The following XRCC4 variants were observed in gnomAD, a reference collection of about 807,000 sequenced individuals.
XRCC4 encodes the protein X-ray repair cross complementing 4.
A neutral mutation model predicts 39.1 loss-of-function variants in XRCC4; 28 were observed. The observed-to-expected ratio is 0.72, with a 90% confidence interval of 0.53 to 0.98. The LOEUF is 0.98. Ranked by LOEUF, XRCC4 falls within the 50% of genes least tolerant of loss-of-function variation. The pLI, the probability that XRCC4 is intolerant of heterozygous loss-of-function variation, is 0.00. For synonymous variants in XRCC4, 123 were observed against 126.4 expected (o/e 0.97, Z 0.18); for missense variants, 350 against 376.4 (o/e 0.93, Z 0.58).
intron 3 of XRCC4, among the ~76,000 whole-genome samples, chr5:83,125,862 A>T (rs1747234700): frequency 1.3e-5 from 2 of 152,082 alleles, no homozygotes; most frequent in African/African-American, 2.4e-5. Flanking sequence ...GCATTCCTGT[A>T]ATCCGAGCTA....
At chr5:83,234,060 C>A (rs1190752884) in intron 6 of XRCC4, among the ~76,000 whole-genome samples, 2 of 152,110 alleles carry the variant, frequency 1.3e-5, no homozygotes, top group Non-Finnish European at 2.9e-5. Flanking sequence ...ATCTCTAAAT[C>A]TCACTTTTTT....
At chr5:83,243,944 G>C (rs191356541) in intron 6 of XRCC4, among the ~76,000 whole-genome samples, 1 of 152,294 alleles carries the variant, frequency 6.6e-6, no homozygotes, top group African/African-American at 2.4e-5. Context: ...GCCTGTCCCT[G>C]AGAAAGTTTA....
chr5:83,372,696 T>C, the XRCC4 span, among the ~76,000 whole-genome samples: 67 of 152,358 alleles, frequency 4.4e-4, no homozygotes, highest in African/African-American at 1.5e-3. Flanking sequence ...CATTAATGTA[T>C]TTTCTCAATC....
intron 3 of XRCC4, among the ~76,000 whole-genome samples, chr5:83,194,311 T>G (rs1020584849): frequency 1.3e-5 from 2 of 152,222 alleles, no homozygotes; most frequent in African/African-American, 4.8e-5. Flanking sequence ...AGGTAACTGT[T>G]CAAATTTACT....
At chr5:83,366,709 A>G in the XRCC4 span, among the ~76,000 whole-genome samples, 7 of 152,168 alleles carry the variant, frequency 4.6e-5, no homozygotes, top group African/African-American at 1.7e-4. Context: ...TGCTTCAGCC[A>G]CACTCATGTC....
intron 7 of XRCC4, among the ~76,000 whole-genome samples, chr5:83,297,430 C>T (rs1018074862): frequency 6.6e-6 from 1 of 151,756 alleles, no homozygotes; most frequent in Non-Finnish European, 1.5e-5. Context: ...TAGTATTTGC[C>T]ACATGTGCAT....
intron 6 of XRCC4, among the ~76,000 whole-genome samples, chr5:83,246,704 G>T (rs1175855357): frequency 6.6e-6 from 1 of 152,034 alleles, no homozygotes; most frequent in Non-Finnish European, 1.5e-5. Context: ...TCTTATTTAG[G>T]TAGTCTTTTC....
At chr5:83,306,289 G>A (rs1249179664) in intron 7 of XRCC4, among the ~76,000 whole-genome samples, 2 of 151,922 alleles carry the variant, frequency 1.3e-5, no homozygotes, top group Admixed American at 6.5e-5. Flanking sequence ...GAGTAGTTAC[G>A]AAAAACCATA....
chr5:83,165,867 T>C (rs975559050), intron 3 of XRCC4, among the ~76,000 whole-genome samples: 8 of 149,218 alleles, frequency 5.4e-5, no homozygotes, highest in African/African-American at 2.0e-4. Flanking sequence ...ACATTTTTCT[T>C]TTTCTTTTCT....
chr5:83,140,829 G>T (rs1215914931), intron 3 of XRCC4, among the ~76,000 whole-genome samples: 1 of 152,026 alleles, frequency 6.6e-6, no homozygotes, highest in Non-Finnish European at 1.5e-5. Context: ...TTTTGGGTAT[G>T]TGAACAATTA....
chr5:83,169,942 A>T (rs1749648169), intron 3 of XRCC4, among the ~76,000 whole-genome samples: 1 of 152,210 alleles, frequency 6.6e-6, no homozygotes, highest in Non-Finnish European at 1.5e-5. Context: ...TTCTACCCTA[A>T]TTATTGAAAT....
At chr5:83,336,711 G>C (rs1756605213) in intron 7 of XRCC4, among the ~76,000 whole-genome samples, 1 of 152,132 alleles carries the variant, frequency 6.6e-6, no homozygotes, top group Non-Finnish European at 1.5e-5. Flanking sequence ...TCCAGTAGTT[G>C]GGTTGTGAGT....
chr5:83,104,479 T>C (rs766355006), intron 1 of XRCC4, among the ~76,000 whole-genome samples: 6 of 152,084 alleles, frequency 3.9e-5, no homozygotes, highest in Admixed American at 1.3e-4. Flanking sequence ...GTTGAGATGA[T>C]AATTTTTTGT....
At chr5:83,120,976 C>A (rs1054335838) in intron 3 of XRCC4, among the ~76,000 whole-genome samples, 5 of 152,258 alleles carry the variant, frequency 3.3e-5, no homozygotes, top group Admixed American at 3.3e-4. Flanking sequence ...CCCCAGAAAA[C>A]CACTGATTAG....
At chr5:83,302,267 A>T (rs1311754711) in intron 7 of XRCC4, among the ~76,000 whole-genome samples, 2 of 152,076 alleles carry the variant, frequency 1.3e-5, no homozygotes, top group African/African-American at 2.4e-5. Context: ...CAAAAAAAAA[A>T]AAAAATAGCT....
At chr5:83,144,567 C>A (rs972767206) in intron 3 of XRCC4, among the ~76,000 whole-genome samples, 19 of 101,752 alleles carry the variant, frequency 1.9e-4, no homozygotes, top group Non-Finnish European at 3.1e-4. Flanking sequence ...CCCCCCCCCA[C>A]CCCCACGGAT....
intron 7 of XRCC4, among the ~76,000 whole-genome samples, chr5:83,333,313 C>A (rs1267319476): frequency 1.3e-5 from 2 of 152,072 alleles, no homozygotes; most frequent in Admixed American, 6.6e-5. Flanking sequence ...AATGTCAATA[C>A]CATAATGAAT....
At chr5:83,093,576 G>C (rs1745531932) in intron 1 of XRCC4, among the ~76,000 whole-genome samples, 1 of 152,118 alleles carries the variant, frequency 6.6e-6, no homozygotes. Context: ...GCACATCTTA[G>C]GAAGTTGAAG....
chr5:83,338,602 T>C (rs925891171), intron 7 of XRCC4, among the ~76,000 whole-genome samples: 18 of 152,198 alleles, frequency 1.2e-4, no homozygotes, highest in African/African-American at 4.3e-4. Context: ...TTTTTGTATT[T>C]CTATTAAGCC....
Sources: allele counts gnomAD v4.1 joint callset (sites outside exome capture counted in the v4.1 genomes callset), GRCh38; gene constraint gnomAD v4.1.1; transcripts MANE v1.5; gene names NCBI Gene and HGNC (gene_info 2026-07-23, HGNC 2026-07-21).